MAPK14: variants seen among roughly 807,000 people sequenced by gnomAD.
MAPK14 encodes the protein CSAID-binding protein.
A neutral mutation model predicts 49.6 loss-of-function variants in MAPK14; 16 were observed. The ratio of observed to expected loss-of-function variants is 0.32; its 90% confidence interval spans 0.22 to 0.49. The LOEUF (loss-of-function observed/expected upper bound fraction) is 0.49. Among genes scored for constraint, MAPK14 ranks in the 20% least tolerant of loss-of-function variants. The pLI is 0.99. For synonymous variants in MAPK14, 142 were observed against 158.0 expected (o/e 0.90, Z 0.76); for missense variants, 200 against 441.2 (o/e 0.45, Z 4.90).
downstream of MAPK14, among the ~76,000 whole-genome samples, chr6:36,112,669 T>G (rs568838589): frequency 6.6e-6 from 1 of 152,334 alleles, no homozygotes; most frequent in African/African-American, 2.4e-5. Flanking sequence ...TTTATAAGTA[T>G]CTATCGGTGA....
At chr6:36,087,155 C>T (rs60909394) in intron 8 of MAPK14, among the ~76,000 whole-genome samples, 21,146 of 151,962 alleles carry the variant, frequency 0.14, 1,789 homozygotes, top group African/African-American at 0.24. Flanking sequence ...TCAAAATAAG[C>T]CATGTAAGAC....
chr6:36,068,339 G>T (rs186131988), intron 3 of MAPK14, among the ~76,000 whole-genome samples: 10 of 152,270 alleles, frequency 6.6e-5, no homozygotes, highest in Admixed American at 3.9e-4. Context: ...GATTAGGTAG[G>T]GCTTTATCTG....
chr6:36,036,590 T>TTCAGCAGTTATCACCCTGAGTAG (rs1762759297), intron 1 of MAPK14, among the ~76,000 whole-genome samples: 1 of 152,130 alleles, frequency 6.6e-6, no homozygotes, highest in Non-Finnish European at 1.5e-5. Context: ...CATTCCAGTC[T>TTCAGCAGTTATCACCCTGAGTAG]TCAGCAGTTA....
intron 8 of MAPK14, among the ~76,000 whole-genome samples, chr6:36,082,957 G>GT (rs1764825193): frequency 6.6e-6 from 1 of 152,062 alleles, no homozygotes; most frequent in Non-Finnish European, 1.5e-5. Flanking sequence ...TTTTTCTTGG[G>GT]TTTTGTAATT....
intron 1 of MAPK14, among the ~76,000 whole-genome samples, chr6:36,051,903 G>A (rs1276318339): frequency 6.6e-6 from 1 of 151,876 alleles, no homozygotes; most frequent in East Asian, 1.9e-4. Context: ...TATTTCTTCT[G>A]CTTGAAGCTC....
At chr6:36,096,092 G>A (rs200131179) in intron 9 of MAPK14, 26 bp downstream of exon 9, 4 of 1,540,556 alleles carry the variant, frequency 2.6e-6, no homozygotes, top group Non-Finnish European at 3.6e-6. Flanking sequence ...GTAATTATCT[G>A]CCCTGTTGGG....
chr6:36,092,541 A>G (rs977117541), intron 8 of MAPK14: 2 of 502,866 alleles, frequency 4.0e-6, no homozygotes, highest in Non-Finnish European at 7.6e-6. Flanking sequence ...AATAGGAGCC[A>G]TGTATGTTGT....
chr6:36,089,529 C>T (rs1276124430), intron 8 of MAPK14, among the ~76,000 whole-genome samples: 1 of 152,196 alleles, frequency 6.6e-6, no homozygotes, highest in Non-Finnish European at 1.5e-5. Flanking sequence ...GCACTTGTAT[C>T]TCAGAACTTT....
chr6:36,030,054 CTTGAA>C (rs1339122268), intron 1 of MAPK14, among the ~76,000 whole-genome samples: 15 of 151,812 alleles, frequency 9.9e-5, no homozygotes, highest in Non-Finnish European at 1.6e-4. Flanking sequence ...TTTTTTCATT[CTTGAA>C]TTGACATACA....
At chr6:36,041,253 C>T (rs533125933) in intron 1 of MAPK14, among the ~76,000 whole-genome samples, 3 of 150,772 alleles carry the variant, frequency 2.0e-5, no homozygotes, top group African/African-American at 7.3e-5. Flanking sequence ...CCTTAAAGTA[C>T]TCTGCTATTC....
At chr6:36,117,354 C>A in the MAPK14 span, among the ~76,000 whole-genome samples, 1 of 152,234 alleles carries the variant, frequency 6.6e-6, no homozygotes, top group African/African-American at 2.4e-5. Context: ...TGTGCTCTTG[C>A]TTTCTCTCCT....
chr6:36,073,152 A>G (rs1035848594), intron 4 of MAPK14, 168 bp downstream of exon 4: 14 of 610,326 alleles, frequency 2.3e-5, no homozygotes, highest in Non-Finnish European at 4.1e-5. Flanking sequence ...CTCAGTGACA[A>G]CAGTTACCGA....
At chr6:36,054,135 A>G (rs1642877163) in intron 2 of MAPK14, among the ~76,000 whole-genome samples, 1 of 152,176 alleles carries the variant, frequency 6.6e-6, no homozygotes, top group South Asian at 2.1e-4. Context: ...GTGGCCTGGC[A>G]GCTTTAAGGG....
At chr6:36,043,215 C>G (rs1163753424) in intron 1 of MAPK14, among the ~76,000 whole-genome samples, 2 of 152,004 alleles carry the variant, frequency 1.3e-5, no homozygotes, top group East Asian at 3.8e-4. Context: ...TAAATAAATA[C>G]TGTTGTGTTG....
chr6:36,064,493 G>C (rs1763966977), intron 3 of MAPK14, among the ~76,000 whole-genome samples: 1 of 152,242 alleles, frequency 6.6e-6, no homozygotes, highest in East Asian at 1.9e-4. Context: ...TTCTTGAAGA[G>C]GGAAATGGAA....
At chr6:36,050,568 G>GTT (rs1763355161) in intron 1 of MAPK14, among the ~76,000 whole-genome samples, 1 of 152,200 alleles carries the variant, frequency 6.6e-6, no homozygotes, top group South Asian at 2.1e-4. Context: ...AATGATGACA[G>GTT]AAGTTGAGAG....
At chr6:36,104,441 G>A (rs1461773959) in intron 10 of MAPK14, among the ~76,000 whole-genome samples, 1 of 151,988 alleles carries the variant, frequency 6.6e-6, no homozygotes, top group Non-Finnish European at 1.5e-5. Context: ...AGGTTGGAGT[G>A]CAGTGGTGCG....
chr6:36,118,134 A>AAGAACC, the MAPK14 span, among the ~76,000 whole-genome samples: 502 of 152,380 alleles, frequency 3.3e-3, 1 homozygote, highest in Non-Finnish European at 5.3e-3. Context: ...GAATTAGAAC[A>AAGAACC]AGAACCAAAA....
the MAPK14 span, among the ~76,000 whole-genome samples, chr6:36,119,499 T>A: frequency 6.6e-6 from 1 of 151,918 alleles, no homozygotes; most frequent in Non-Finnish European, 1.5e-5. Context: ...CAGGAAAAAA[T>A]GGGAACAAAC....
Sources: gnomAD v4.1 joint callset for allele counts (sites outside exome capture counted in the v4.1 genomes callset) on GRCh38, gnomAD v4.1.1 for gene constraint, MANE v1.5 for transcripts, NCBI Gene and HGNC (gene_info 2026-07-23, HGNC 2026-07-21) for gene names.